The following LMO3 variants were observed in gnomAD, a reference collection of about 807,000 sequenced individuals.
The protein encoded by LMO3 is LIM domain only 3, also known as LIM domain only protein 3.
LMO3 carries 2 observed loss-of-function variants against 15.8 expected under a neutral mutation model. That is an observed-to-expected ratio of 0.13 (90% CI 0.05 to 0.40). The LOEUF (loss-of-function observed/expected upper bound fraction) is 0.40. Among genes scored for constraint, LMO3 ranks in the 10% least tolerant of loss-of-function variants. LMO3 has a pLI of 0.99. For synonymous variants in LMO3, 62 were observed against 63.8 expected, an observed-to-expected ratio of 0.97 and a Z score of 0.13; for missense variants, 86 against 182.2, an observed-to-expected ratio of 0.47 and a Z score of 3.04.
intron 2 of LMO3, among the ~76,000 whole-genome samples, chr12:16,569,002 T>G (rs1942717585): frequency 6.6e-6 from 1 of 152,206 alleles, no homozygotes; most frequent in Non-Finnish European, 1.5e-5. Flanking sequence ...TCATTATAGC[T>G]CTCTCATAAT....
chr12:16,590,935 A>G (rs962857776), intron 2 of LMO3, among the ~76,000 whole-genome samples: 1 of 152,082 alleles, frequency 6.6e-6, no homozygotes, highest in Non-Finnish European at 1.5e-5. Flanking sequence ...GCCAAATAAA[A>G]AGACATCCAA....
intron 2 of LMO3, among the ~76,000 whole-genome samples, chr12:16,563,552 CATTTT>C (rs1942479838): frequency 6.6e-6 from 1 of 152,020 alleles, no homozygotes; most frequent in African/African-American, 2.4e-5. Context: ...CTATCTAATT[CATTTT>C]GAGTACTCAT....
chr12:16,608,112 C>G (rs1944062533), upstream of LMO3: 1 of 152,324 alleles, frequency 6.6e-6, no homozygotes. This position sits in a 1 kb window ranked among gnomAD's most constrained non-coding sequence, Gnocchi z 4.1. Context: ...GCTACAGCCA[C>G]TCTGAAAACA....
intron 1 of LMO3, chr12:16,605,017 G>C: frequency 6.3e-7 from 1 of 1,575,142 alleles, no homozygotes; most frequent in South Asian, 1.1e-5. Flanking sequence ...CACCGCCGAG[G>C]ACCGACTATT....
intron 1 of LMO3, chr12:16,605,781 C>T: frequency 1.3e-6 from 2 of 1,535,584 alleles, no homozygotes; most frequent in South Asian, 2.4e-5. Context: ...AGACGTTCCG[C>T]GCCGCAGCCG....
rs540417574 is a variant in LMO3 at position 16,603,454 on chromosome 12, C to T, written c.-8-2586G>A. On this transcript the variant is annotated intron_variant, in intron 1 of 3. Coordinates refer to ENST00000537304, the MANE Select transcript of LMO3 (RefSeq NM_018640.5). This position sits in a 1 kb window ranked among gnomAD's most constrained non-coding sequence, Gnocchi z 4.9. ...AGAAGAACATGTCTGGGTAGAGTTA[C>T]GTGTTTGTAGCTAAGAAACATTTCA... Among the ~76,000 whole-genome samples, 29 of 152,184 alleles carry T rather than the reference C, an allele frequency of 1.9e-4. No homozygotes were observed. The highest frequency in any genetic ancestry group is 3.4e-4 in the Non-Finnish European group (23 of 68,030).
At chr12:16,590,239 C>T (rs1943447896) in intron 2 of LMO3, among the ~76,000 whole-genome samples, 1 of 152,018 alleles carries the variant, frequency 6.6e-6, no homozygotes, top group Admixed American at 6.6e-5. Context: ...GCAAAACTAA[C>T]ATTAGTGAGC....
rs202215827 is a variant in LMO3 at position 16,568,151 on chromosome 12, A to T, written c.207-7613T>A. On this transcript the variant is annotated intron_variant, in intron 2 of 3. Coordinates refer to ENST00000537304, the MANE Select transcript of LMO3 (RefSeq NM_018640.5). ...TGTCATCGGTTTCTCTGGGTATTGTATGTTAATGGAAACCTGATTTCCCAT... is the reference window on the plus strand; with the variant it reads ...TGTCATCGGTTTCTCTGGGTATTGTTTGTTAATGGAAACCTGATTTCCCAT... Among the ~76,000 whole-genome samples, 4 of 152,314 alleles carry T rather than the reference A, an allele frequency of 2.6e-5. No individual in the cohort carries two copies. In the East Asian group the frequency reaches 5.8e-4, roughly 22 times the overall value.
chr12:16,566,124 A>C (rs1235476446), intron 2 of LMO3, among the ~76,000 whole-genome samples: 1 of 147,716 alleles, frequency 6.8e-6, no homozygotes, highest in African/African-American at 2.5e-5. Flanking sequence ...CATCATGTTA[A>C]ATGAAATAAG....
chr12:16,560,606 T>C lies in LMO3; in HGVS notation c.207-68A>G. ...AGAAATCTGAGATCGTGAAGAGAGATGATGTTAATATACTCTGTAAAGCTA... is the reference window on the plus strand; with the variant it reads ...AGAAATCTGAGATCGTGAAGAGAGACGATGTTAATATACTCTGTAAAGCTA... On this transcript the variant is annotated intron_variant, in intron 2 of 3. Coordinates refer to ENST00000537304, the MANE Select transcript of LMO3 (RefSeq NM_018640.5). This position sits in a 1 kb window ranked among gnomAD's most constrained non-coding sequence, Gnocchi z 5.0. The C allele has an allele frequency of 7.1e-7, 1 of 1,414,112 alleles. No homozygotes were observed. Among genetic ancestry groups the C allele is most frequent in the Non-Finnish European group, 9.9e-7 (1 of 1,014,510 alleles). The allele number at this position is 1,414,112 out of a possible 1,614,324, so 87.6% of individuals were successfully genotyped here.
chr12:16,554,801 C>A (rs755026227), intron 3 of LMO3, among the ~76,000 whole-genome samples: 2 of 152,174 alleles, frequency 1.3e-5, no homozygotes, highest in Non-Finnish European at 2.9e-5. Flanking sequence ...TGACTACAGG[C>A]GCCCGCCACC....
Position 16,587,661 on chromosome 12 carries a change from A to C in LMO3, c.206+12994T>G, listed in dbSNP as rs137995772. On this transcript the variant is annotated intron_variant, in intron 2 of 3. Coordinates refer to ENST00000537304, the MANE Select transcript of LMO3 (RefSeq NM_018640.5). This position sits in a 1 kb window ranked among gnomAD's most constrained non-coding sequence, Gnocchi z 4.3. ...CTATAATAGCAAGCACTGGTCTGTCAGGAGTGCATTTTAACAGCACGACAC... is the reference window on the plus strand; with the variant it reads ...CTATAATAGCAAGCACTGGTCTGTCCGGAGTGCATTTTAACAGCACGACAC... Among the ~76,000 whole-genome samples, 572 of 152,074 alleles carry C rather than the reference A, an allele frequency of 3.8e-3. 4 individuals are homozygous for C. Among genetic ancestry groups the C allele is most frequent in the African/African-American group, 0.013 (545 of 41,530 alleles).
chr12:16,559,916 T>A lies in LMO3; in HGVS notation c.332+497A>T, dbSNP rs958360982. Among the ~76,000 whole-genome samples the A allele has an allele frequency of 5.3e-5, 8 of 152,044 alleles. No homozygotes were observed. Among genetic ancestry groups the A allele is most frequent in the Non-Finnish European group, 1.2e-4 (8 of 68,004 alleles). ...GTTGAGGCTGCATGAGCCATGTTAGTGCCACTGCGCTCTAGGCTGGGTGAC... is the reference window on the plus strand; with the variant it reads ...GTTGAGGCTGCATGAGCCATGTTAGAGCCACTGCGCTCTAGGCTGGGTGAC... On this transcript the variant is annotated intron_variant, in intron 3 of 3. Transcript: ENST00000537304. This position sits in a 1 kb window ranked among gnomAD's most constrained non-coding sequence, Gnocchi z 4.1.
Position 16,551,118 on chromosome 12 carries a change from C to G in LMO3, c.*104G>C. 1.3e-6 allele frequency: 1 copy of G among 745,020 alleles called. No homozygotes were observed. 46.2% of individuals were successfully genotyped at this position (745,020 alleles called of 1,614,324 possible). A position where few individuals can be genotyped will look rare whatever the true frequency, so the allele number is the denominator to read the frequency against. ...ATATAACCATCCTGCCTTCCTATAT[C>G]TACGCTATTCAGTAGGTTCCTGTGT... is the stretch of plus-strand genomic sequence containing the variant. On this transcript the variant is annotated 3_prime_UTR_variant, in exon 4 of 4. Coordinates refer to ENST00000537304, the MANE Select transcript of LMO3 (RefSeq NM_018640.5).
rs1455756773 is a variant in LMO3 at position 16,559,493 on chromosome 12, C to G, written c.332+920G>C. Among the ~76,000 whole-genome samples, 1 of 152,122 alleles carries G rather than the reference C, an allele frequency of 6.6e-6. No homozygotes were observed. The highest frequency in any genetic ancestry group is 2.4e-5 in the African/African-American group (1 of 41,412). The stretch of plus-strand genomic sequence containing the variant: ...ATCGCACAGCTTATTAGTGGCAGAG[C>G]CCATATTAGAATTTAGGTTTCCAGG... On this transcript the variant is annotated intron_variant, in intron 3 of 3. Coordinates refer to ENST00000537304, the MANE Select transcript of LMO3 (RefSeq NM_018640.5). This position sits in a 1 kb window ranked among gnomAD's most constrained non-coding sequence, Gnocchi z 4.1.
chr12:16,574,039 G>A (rs1250080308), intron 2 of LMO3: 1 of 151,886 alleles, frequency 6.6e-6, no homozygotes, highest in Non-Finnish European at 1.5e-5. Flanking sequence ...CCGCTTCCCC[G>A]AAGTAACAAA....
At chr12:16,594,044 A>G (rs1176828371) in intron 2 of LMO3, 1 of 1,166,846 alleles carries the variant, frequency 8.6e-7, no homozygotes, top group Non-Finnish European at 1.2e-6. Context: ...TAGACTGATT[A>G]ATATCCTGTA....
At position 16,549,641 on chromosome 12, in the gene LMO3, CAAAG is replaced by C. The variant is rs2033880529; in HGVS notation, c.*1577_*1580del. The C allele has an allele frequency of 1.3e-5, 2 of 151,866 alleles. No individual in the cohort carries two copies. The highest frequency in any genetic ancestry group is 2.4e-5 in the African/African-American group (1 of 41,268). The allele number at this position is 151,866 out of a possible 1,614,324, so 9.4% of individuals were successfully genotyped here. ...CCTATACAAGTGATCAAGAAAAAAA[CAAAG>C]AAAAAGAAAACCCATAGCACTAAGT... On this transcript the variant is annotated 3_prime_UTR_variant, in exon 4 of 4. Transcript: ENST00000537304.
intron 3 of LMO3, among the ~76,000 whole-genome samples, chr12:16,552,093 C>T (rs1942009693): frequency 6.6e-6 from 1 of 152,006 alleles, no homozygotes; most frequent in African/African-American, 2.4e-5. Flanking sequence ...GTTTAATGTG[C>T]AAGACTGCAA....
Sources: gnomAD v4.1 joint callset for allele counts (sites outside exome capture counted in the v4.1 genomes callset) on GRCh38, gnomAD v4.1.1 for gene constraint, Gnocchi (gnomAD v3.1) non-coding constraint, MANE v1.5 for transcripts, NCBI Gene and HGNC (gene_info 2026-07-23, HGNC 2026-07-21) for gene names.